AP4B1: variants seen among roughly 807,000 people sequenced by gnomAD.
AP4B1 encodes the protein adaptor related protein complex 4 subunit beta 1.
AP4B1 carries 49 observed loss-of-function variants against 76.5 expected under a neutral mutation model. That is an observed-to-expected ratio of 0.64 (90% confidence interval 0.51 to 0.81). The LOEUF is 0.81. Ranked by LOEUF, AP4B1 falls within the 40% of genes least tolerant of loss-of-function variation. The pLI, the probability that AP4B1 is intolerant of heterozygous loss-of-function variation, is 0.00. For synonymous variants in AP4B1, 330 were observed against 333.3 expected, an observed-to-expected ratio of 0.99 and a Z score of 0.11; for missense variants, 911 against 904.9, an observed-to-expected ratio of 1.01 and a Z score of -0.09.
At chr1:113,904,168 C>G (rs530136188) in intron 1 of AP4B1, among the ~76,000 whole-genome samples, 1 of 152,286 alleles carries the variant, frequency 6.6e-6, no homozygotes, top group Admixed American at 6.5e-5. Context: ...CAGGTGTCCT[C>G]AAGGTTGGCT....
chr1:113,900,092 C>T lies in AP4B1; in HGVS notation c.926G>A (p.Gly309Asp). ...HVRQILHSLPGHFSSHYKKFF... is the reference protein window; with the variant it reads ...HVRQILHSLPDHFSSHYKKFF... ...CTTTTTGTAGTGGCTGCTAAAGTGA[C>T]CTGGTAAACTATGCAAGATCTGGCG... Residue 309 changes from glycine to aspartate, a missense_variant, in exon 5 of 10, where the codon GGT (glycine) becomes GAT (aspartate). Gly to Asp is a moderately conservative substitution (Grantham distance 94). Transcript: ENST00000369569. The T allele has an allele frequency of 6.2e-7, 1 of 1,614,164 alleles. No individual in the cohort carries two copies. Among genetic ancestry groups the T allele is most frequent in the South Asian group, 1.1e-5 (1 of 91,080 alleles).
intron 7 of AP4B1, chr1:113,897,314 G>A (rs1200195859): frequency 5.9e-6 from 1 of 170,236 alleles, no homozygotes; most frequent in Non-Finnish European, 1.3e-5. Context: ...AAGAGAAGCG[G>A]GGCACAGTGG....
At chr1:113,898,112 T>C (rs1667719255) in intron 6 of AP4B1, 169 bp from the exon 7 acceptor site, 1 of 1,258,848 alleles carries the variant, frequency 7.9e-7, no homozygotes, top group South Asian at 1.4e-5. Context: ...TAAGCAATAA[T>C]TTCTTGAATG....
chr1:113,897,995 C>T, intron 6 of AP4B1, 52 bp from the exon 7 acceptor site: 1 of 1,612,796 alleles, frequency 6.2e-7, no homozygotes, highest in Non-Finnish European at 8.5e-7. Context: ...TCCAGGTAGG[C>T]AGGAATCTTA....
chr1:113,900,729 C>A, intron 4 of AP4B1: 1 of 355,834 alleles, frequency 2.8e-6, no homozygotes, highest in Non-Finnish European at 5.2e-6. Context: ...AACCTATTCC[C>A]ACAGTATATT....
Position 113,901,294 on chromosome 1 carries a change from G to T in AP4B1, c.559C>A (p.Leu187Met), listed in dbSNP as rs1192505486. Reference sequence around the variant, plus strand: ...ATGACAACGCCTCCTTCCTGTTTCAGAATTTCCTCTAGAGACCTCAAGCAG... The same window carrying T: ...ATGACAACGCCTCCTTCCTGTTTCATAATTTCCTCTAGAGACCTCAAGCAG... ...VNCLRSLEEI[L>M]KQEGGVVINK... The change falls in exon 4 of 10, where the codon CTG becomes ATG. Residue 187 changes from leucine to methionine, a missense_variant. Transcript: ENST00000369569. 1 of 1,614,104 alleles carries T rather than the reference G, an allele frequency of 6.2e-7. No individual in the cohort carries two copies. Among genetic ancestry groups the T allele is most frequent in the Admixed American group, 1.7e-5 (1 of 60,008 alleles).
In AP4B1 at chr1:113,895,087, G is replaced by C. The variant is rs1242341233; in HGVS notation, c.2198C>G (p.Thr733Arg). 6.2e-7 allele frequency: 1 copy of C among 1,613,732 alleles called. No homozygotes were observed. The highest frequency in any genetic ancestry group is 1.7e-5 in the Admixed American group (1 of 59,970). The change falls in exon 10 of 10, where the codon ACA becomes AGA. Residue 733 changes from threonine (T) to arginine (R), a missense_variant. Coordinates refer to ENST00000369569, the MANE Select transcript of AP4B1 (RefSeq NM_001253852.3). ...CTGTTATGATTTTATTTCTTCAATTGTTCCAATCACAGTTTCTAATACAGA... is the reference window on the plus strand; with the variant it reads ...CTGTTATGATTTTATTTCTTCAATTCTTCCAATCACAGTTTCTAATACAGA... ...FISVLETVIG[T>R]IEEIKS
At chr1:113,899,359 G>C in intron 5 of AP4B1, 1 of 1,010,586 alleles carries the variant, frequency 9.9e-7, no homozygotes. Flanking sequence ...AAGTCTGTAA[G>C]ATTTAGGAAT....
chr1:113,901,306 G>A lies in AP4B1; in HGVS notation c.547C>T (p.Leu183=), dbSNP rs1008492819. 2 of 1,614,016 alleles carry A rather than the reference G, an allele frequency of 1.2e-6. No homozygotes were observed. The highest frequency in any genetic ancestry group is 1.7e-6 in the Non-Finnish European group (2 of 1,179,992). The change falls in exon 4 of 10, where the codon CTA becomes TTA. Residue 183 remains leucine (L), a synonymous_variant. Coordinates refer to ENST00000369569, the MANE Select transcript of AP4B1 (RefSeq NM_001253852.3). ...CCTTCCTGTTTCAGAATTTCCTCTA[G>A]AGACCTCAAGCAGTTCACAACTACA... ...PIVVVNCLRS[L]EEILKQEGGV...
At chr1:113,903,125 G>A (rs912940282) in intron 1 of AP4B1, among the ~76,000 whole-genome samples, 14 of 152,200 alleles carry the variant, frequency 9.2e-5, no homozygotes, top group African/African-American at 3.4e-4. Flanking sequence ...GAGTGCAGTG[G>A]CACAATCTCG....
Position 113,899,960 on chromosome 1 carries a change from C to T in AP4B1, c.1058G>A (p.Arg353Gln), listed in dbSNP as rs140665228. 3.7e-6 allele frequency: 6 copies of T among 1,614,046 alleles called. No individual in the cohort carries two copies. The highest frequency in any genetic ancestry group is 1.3e-5 in the African/African-American group (1 of 74,904). Residue 353 changes from arginine (R) to glutamine (Q), a missense_variant, in exon 5 of 10, where the codon CGA (arginine) becomes CAA (glutamine). Transcript: ENST00000369569. ...ENVQQVLEEL[R>Q]GYCTDVSADF... ...CGCAGACACATCCGTGCAGTACCCT[C>T]GAAGCTCCTCTAGCACCTGCTGCAC...
rs1667290841 is a variant in AP4B1 at position 113,895,029 on chromosome 1, T to C, written c.*36A>G. Reference sequence around the variant, plus strand: ...AGGAAAGACTAAGAAAGTGTAATAGTTATTCATCTTACTCTAGACAAGCAA... The same window carrying C: ...AGGAAAGACTAAGAAAGTGTAATAGCTATTCATCTTACTCTAGACAAGCAA... On this transcript the variant is annotated 3_prime_UTR_variant, in exon 10 of 10. Transcript: ENST00000369569. 6.3e-7 allele frequency: 1 copy of C among 1,590,070 alleles called. No individual in the cohort carries two copies. The highest frequency in any genetic ancestry group is 1.1e-5 in the South Asian group (1 of 88,990).
At chr1:113,896,646 AT>A (rs1166215623) in intron 7 of AP4B1, 181 bp from the exon 8 acceptor site, 5 of 631,900 alleles carry the variant, frequency 7.9e-6, no homozygotes, top group South Asian at 5.8e-5. Context: ...TAGGAATGAA[AT>A]TCTAATACAC....
intron 4 of AP4B1, 49 bp from the exon 5 acceptor site, chr1:113,900,449 C>A (rs777033409): frequency 6.2e-7 from 1 of 1,605,262 alleles, no homozygotes; most frequent in South Asian, 1.1e-5. Flanking sequence ...AAAATTAGGA[C>A]CATTTCCATG....
chr1:113,904,754 A>T lies in AP4B1; in HGVS notation c.-37T>A. ...TCACAGGGCAGCTCCCACAGCTCCC[A>T]CGGTAACTCGAGGGCTCCTTCTCGT... On this transcript the variant is annotated 5_prime_UTR_variant, in exon 1 of 10. Coordinates refer to ENST00000369569, the MANE Select transcript of AP4B1 (RefSeq NM_001253852.3). 6.4e-7 allele frequency: 1 copy of T among 1,564,080 alleles called. No homozygotes were observed. Among genetic ancestry groups the T allele is most frequent in the Non-Finnish European group, 8.8e-7 (1 of 1,136,242 alleles).
intron 7 of AP4B1, 139 bp downstream of exon 7, chr1:113,897,701 A>T (rs1340865582): frequency 1.0e-5 from 9 of 861,376 alleles, no homozygotes; most frequent in Middle Eastern, 2.6e-4. Context: ...CTATATCCAA[A>T]AGAGAATCTA....
intron 2 of AP4B1, 32 bp downstream of exon 2, chr1:113,902,606 A>G (rs1668416624): frequency 6.2e-7 from 1 of 1,601,812 alleles, no homozygotes; most frequent in Admixed American, 1.7e-5. Context: ...TTCATCAGCC[A>G]TTTAGGACCA....
rs6703981 is a variant in AP4B1 at position 113,896,868 on chromosome 1, G to T, written c.1303-403C>A. 9.3e-3 allele frequency: 2,211 copies of T among 237,276 alleles called. 46 individuals carry two copies. The highest frequency in any genetic ancestry group is 0.048 in the African/African-American group (2,072 of 43,216). The allele number at this position is 237,276 out of a possible 1,614,324, so 14.7% of individuals were successfully genotyped here. A position where few individuals can be genotyped will look rare whatever the true frequency, so the allele number is the denominator to read the frequency against. On this transcript the variant is annotated intron_variant, in intron 7 of 9. Transcript: ENST00000369569. ...TCTTAAAAATGTATCTGTCAGCCGG[G>T]CACGGTGGCTTACGTCTGTAATCCC...
chr1:113,901,948 C>T, intron 2 of AP4B1, 63 bp from the exon 3 acceptor site: 1 of 1,604,022 alleles, frequency 6.2e-7, no homozygotes, highest in Non-Finnish European at 8.5e-7. Context: ...ACCTCAGCCC[C>T]TGTTCACCTA....
Sources: allele counts gnomAD v4.1 joint callset (sites outside exome capture counted in the v4.1 genomes callset), GRCh38; gene constraint gnomAD v4.1.1; transcripts MANE v1.5; gene names NCBI Gene and HGNC (gene_info 2026-07-23, HGNC 2026-07-21).